The following RNF146 variants were observed in gnomAD, a reference collection of about 807,000 sequenced individuals.
RNF146 encodes the protein E3 ubiquitin-protein ligase RNF146.
RNF146 carries 11 observed loss-of-function variants against 29.7 expected under a neutral mutation model. That is an observed-to-expected ratio of 0.37 (90% CI 0.23 to 0.61). The LOEUF is 0.61. RNF146 is among the 20% of genes least tolerant of loss of function. The probability of loss-of-function intolerance (pLI) is 0.66; values close to 1 mark genes in which losing one functional copy is unlikely to be tolerated. For synonymous variants in RNF146, 150 were observed against 159.7 expected, an observed-to-expected ratio of 0.94 and a Z score of 0.46; for missense variants, 342 against 438.9, an observed-to-expected ratio of 0.78 and a Z score of 1.97.
At position 127,281,656 on chromosome 6, in the gene RNF146, G is replaced by A. The variant is rs1299495460; in HGVS notation, c.2+1316G>A. 2.6e-5 allele frequency among the ~76,000 whole-genome samples: 4 copies of A among 151,668 alleles called. No homozygotes were observed. In the East Asian group the frequency reaches 7.8e-4, roughly 29 times the overall value. On this transcript the variant is annotated intron_variant, in intron 2 of 2. Coordinates refer to ENST00000368314, the MANE Select transcript of RNF146 (RefSeq NM_001242850.2). ...GAACAGTAATATGTGGGAAGGCAGGGTAGGAGAAAGAGACTTCAAAATAAG... is the reference window on the plus strand; with the variant it reads ...GAACAGTAATATGTGGGAAGGCAGGATAGGAGAAAGAGACTTCAAAATAAG...
chr6:127,277,910 AT>A (rs1562284119), intron 1 of RNF146, among the ~76,000 whole-genome samples: 1 of 152,066 alleles, frequency 6.6e-6, no homozygotes, highest in Non-Finnish European at 1.5e-5. Context: ...TTTAAAACAA[AT>A]TGTTTGTTCT....
At chr6:127,272,024 T>C (rs1162879451) in intron 1 of RNF146, among the ~76,000 whole-genome samples, 1 of 152,204 alleles carries the variant, frequency 6.6e-6, no homozygotes, top group East Asian at 1.9e-4. Context: ...TATTAGATAA[T>C]ACGTGACCTT....
chr6:127,268,202 T>TC (rs912856140), intron 1 of RNF146, among the ~76,000 whole-genome samples: 25 of 151,994 alleles, frequency 1.6e-4, no homozygotes, highest in African/African-American at 5.8e-4. Flanking sequence ...AGTGGGCACA[T>TC]CCCCCCCACC....
intron 1 of RNF146, among the ~76,000 whole-genome samples, chr6:127,269,554 C>T (rs1562277346): frequency 2.0e-5 from 3 of 152,100 alleles, no homozygotes. Context: ...CACATAGTAA[C>T]GTCTTAAAGG....
In RNF146 at chr6:127,286,420, A is replaced by G; in HGVS notation, c.3-196A>G. 1 of 670,762 alleles carries G rather than the reference A, an allele frequency of 1.5e-6. No individual in the cohort carries two copies. The highest frequency in any genetic ancestry group is 1.8e-5 in the African/African-American group (1 of 54,856). The allele number at this position is 670,762 out of a possible 1,614,324, so 41.6% of individuals were successfully genotyped here. ...TGGAATTTTTATACATTCCCAAGGT[A>G]TGTACAAGTAGATGCTTACAAAAAA... is the stretch of plus-strand genomic sequence containing the variant. On this transcript the variant is annotated intron_variant, in intron 2 of 2. Transcript: ENST00000368314. This position sits in a 1 kb window ranked among gnomAD's most constrained non-coding sequence, Gnocchi z 4.6.
At chr6:127,278,679 A>G (rs9491725) in intron 1 of RNF146, among the ~76,000 whole-genome samples, 2,453 of 152,084 alleles carry the variant, frequency 0.016, 44 homozygotes, top group South Asian at 0.054. Context: ...CTATTGCTAT[A>G]TCCCTGGGAG....
chr6:127,269,959 G>A (rs921152230), intron 1 of RNF146, among the ~76,000 whole-genome samples: 1 of 152,004 alleles, frequency 6.6e-6, no homozygotes, highest in African/African-American at 2.4e-5. Flanking sequence ...AATACAGTAA[G>A]TCTTCAAATA....
At chr6:127,272,055 T>C (rs997542373) in intron 1 of RNF146, among the ~76,000 whole-genome samples, 7 of 152,224 alleles carry the variant, frequency 4.6e-5, no homozygotes, top group African/African-American at 1.4e-4. Context: ...GACAATACAT[T>C]GTAGAAAGAC....
intron 2 of RNF146, chr6:127,280,631 C>T: frequency 1.0e-6 from 1 of 980,764 alleles, no homozygotes; most frequent in Non-Finnish European, 1.2e-6. Context: ...CTTCTTTTTA[C>T]ATAATAATTT....
rs1340350072 is a variant in RNF146, at chr6:127,288,490, A to AT, written c.*804dup. 2 of 166,842 alleles carry AT rather than the reference A, an allele frequency of 1.2e-5. No individual in the cohort carries two copies. Among genetic ancestry groups the AT allele is most frequent in the Non-Finnish European group, 2.9e-5 (2 of 68,016 alleles). The allele number at this position is 166,842 out of a possible 1,614,324, so 10.3% of individuals were successfully genotyped here. ...TTAATCACCTGCTCAGAAAAGTTTG[A>AT]TTTTTTTCTTAGAGATTATTTAAAC... On this transcript the variant is annotated 3_prime_UTR_variant, in exon 3 of 3. Transcript: ENST00000368314.
chr6:127,278,102 C>A (rs1778471165), intron 1 of RNF146, among the ~76,000 whole-genome samples: 1 of 151,940 alleles, frequency 6.6e-6, no homozygotes, highest in Non-Finnish European at 1.5e-5. Context: ...ACTGTGAGAT[C>A]TATCATTTCT....
chr6:127,269,637 A>G (rs1328978516), intron 1 of RNF146, among the ~76,000 whole-genome samples: 1 of 152,186 alleles, frequency 6.6e-6, no homozygotes, highest in African/African-American at 2.4e-5. Flanking sequence ...AGTATGACCT[A>G]TGCTTTTTCT....
intron 2 of RNF146, among the ~76,000 whole-genome samples, chr6:127,280,970 T>G (rs181457318): frequency 6.6e-6 from 1 of 151,746 alleles, no homozygotes; most frequent in Non-Finnish European, 1.5e-5. Flanking sequence ...TAAATTCATA[T>G]AAGCCCTATG....
intron 2 of RNF146, among the ~76,000 whole-genome samples, chr6:127,281,611 C>T (rs1295575284): frequency 1.3e-5 from 2 of 151,654 alleles, no homozygotes; most frequent in Non-Finnish European, 3.0e-5. Context: ...TAATCATCAA[C>T]ACATTTTAGA....
chr6:127,269,174 G>T (rs981069720), intron 1 of RNF146, among the ~76,000 whole-genome samples: 1 of 152,094 alleles, frequency 6.6e-6, no homozygotes, highest in Non-Finnish European at 1.5e-5. Flanking sequence ...GCTTACTTAC[G>T]GACTATCTTT....
At chr6:127,281,332 A>G (rs1778890026) in intron 2 of RNF146, among the ~76,000 whole-genome samples, 1 of 151,792 alleles carries the variant, frequency 6.6e-6, no homozygotes, top group Non-Finnish European at 1.5e-5. Flanking sequence ...AATAGGTCAG[A>G]TAGTCTAGGT....
At chr6:127,275,931 A>G (rs921321961) in intron 1 of RNF146, among the ~76,000 whole-genome samples, 2 of 152,086 alleles carry the variant, frequency 1.3e-5, no homozygotes, top group African/African-American at 4.8e-5. Context: ...AAACCTTTTA[A>G]TGTTGTCCTA....
At chr6:127,281,660 G>T (rs1778928124) in intron 2 of RNF146, among the ~76,000 whole-genome samples, 1 of 151,664 alleles carries the variant, frequency 6.6e-6, no homozygotes, top group African/African-American at 2.4e-5. Flanking sequence ...GGCAGGGTAG[G>T]AGAAAGAGAC....
At position 127,287,102 on chromosome 6, in the gene RNF146, C is replaced by A. The variant is rs148544081; in HGVS notation, c.489C>A (p.Arg163=). 751 of 1,613,106 alleles carry A rather than the reference C, an allele frequency of 4.7e-4. 1 individual carries two copies. Among genetic ancestry groups the A allele is most frequent in the Non-Finnish European group, 5.6e-4 (658 of 1,179,586 alleles). ...ATAGGAGAAATGAACATGGACGTCG[C>A]AGGAAGATTAAGCGAGATATAATAG... is the stretch of plus-strand genomic sequence containing the variant. ...VQYRRNEHGR[R]RKIKRDIIDI... Residue 163 remains arginine, a synonymous_variant, in exon 3 of 3, where the codon CGC becomes CGA. Transcript: ENST00000368314.
Sources: gnomAD v4.1 joint callset for allele counts (sites outside exome capture counted in the v4.1 genomes callset) on GRCh38, gnomAD v4.1.1 for gene constraint, Gnocchi (gnomAD v3.1) non-coding constraint, MANE v1.5 for transcripts, NCBI Gene and HGNC (gene_info 2026-07-23, HGNC 2026-07-21) for gene names.